The following CADPS2 variants were observed in gnomAD, a reference collection of about 807,000 sequenced individuals.
CADPS2 encodes calcium-dependent secretion activator 2.
A neutral mutation model predicts 172.5 loss-of-function variants in CADPS2; 93 were observed. The observed-to-expected ratio is 0.54, with a 90% confidence interval of 0.46 to 0.64. The LOEUF is 0.64. Ranked by LOEUF, CADPS2 falls within the 30% of genes least tolerant of loss-of-function variation. The probability of loss-of-function intolerance (pLI) is 0.00; values close to 1 mark genes in which losing one functional copy is unlikely to be tolerated. For missense variants in CADPS2, 1,420 were observed against 1,565.9 expected (o/e 0.91, Z 1.57); for synonymous variants, 546 against 555.2 (o/e 0.98, Z 0.23).
At chr7:122,323,244 C>T (rs2032980338) in intron 29 of CADPS2, among the ~76,000 whole-genome samples, 1 of 151,938 alleles carries the variant, frequency 6.6e-6, no homozygotes, top group South Asian at 2.1e-4. Flanking sequence ...AATGTATCAG[C>T]CCAAGAACAC....
chr7:122,639,129 G>A (rs1223394181), intron 3 of CADPS2, among the ~76,000 whole-genome samples: 1 of 152,156 alleles, frequency 6.6e-6, no homozygotes, highest in Non-Finnish European at 1.5e-5. Flanking sequence ...GCTAATGAAG[G>A]CAATGGATAA....
At chr7:122,726,206 G>T (rs537785681) in intron 2 of CADPS2, among the ~76,000 whole-genome samples, 1 of 151,968 alleles carries the variant, frequency 6.6e-6, no homozygotes, top group South Asian at 2.1e-4. Flanking sequence ...AACTGTAAGG[G>T]GGACTATGTC....
At chr7:122,652,154 AT>A (rs2079217516) in intron 3 of CADPS2, among the ~76,000 whole-genome samples, 1 of 151,944 alleles carries the variant, frequency 6.6e-6, no homozygotes, top group Non-Finnish European at 1.5e-5. Context: ...TTACAACAGC[AT>A]TTTTTTCTAT....
chr7:122,683,221 C>G (rs1202766728), intron 2 of CADPS2, among the ~76,000 whole-genome samples: 2 of 152,222 alleles, frequency 1.3e-5, no homozygotes, highest in Non-Finnish European at 2.9e-5. Context: ...TTAGCCACAT[C>G]TATCTGTAGT....
intron 1 of CADPS2, among the ~76,000 whole-genome samples, chr7:122,829,237 A>G (rs1805798172): frequency 6.6e-6 from 1 of 152,092 alleles, no homozygotes; most frequent in Non-Finnish European, 1.5e-5. Context: ...ACTCTCACCA[A>G]CCTTCTACTC....
intron 1 of CADPS2, among the ~76,000 whole-genome samples, chr7:122,795,992 G>A (rs553402033): frequency 3.3e-5 from 5 of 152,158 alleles, no homozygotes; most frequent in African/African-American, 1.2e-4. Flanking sequence ...TCCTTAAGTT[G>A]ATAAGCAACT....
chr7:122,733,810 C>A (rs1243153021), intron 2 of CADPS2, among the ~76,000 whole-genome samples: 1 of 152,008 alleles, frequency 6.6e-6, no homozygotes, highest in African/African-American at 2.4e-5. Context: ...GTGGACCTGA[C>A]TGGGAACCTA....
chr7:122,381,865 T>C (rs2043050548), intron 24 of CADPS2, among the ~76,000 whole-genome samples: 1 of 152,170 alleles, frequency 6.6e-6, no homozygotes, highest in Non-Finnish European at 1.5e-5. Context: ...ACCCAAGGGG[T>C]AAATCCAAAT....
At chr7:122,635,948 T>C (rs141128327) in intron 3 of CADPS2, among the ~76,000 whole-genome samples, 1 of 152,330 alleles carries the variant, frequency 6.6e-6, no homozygotes, top group Non-Finnish European at 1.5e-5. Context: ...TGTTTTCCAT[T>C]TGCATGATAG....
chr7:122,617,732 G>T (rs1351425558), intron 5 of CADPS2, among the ~76,000 whole-genome samples: 1 of 152,128 alleles, frequency 6.6e-6, no homozygotes, highest in Non-Finnish European at 1.5e-5. Flanking sequence ...TAATATCAAT[G>T]AAAGAATTCA....
chr7:122,815,936 T>A (rs1003619178), intron 1 of CADPS2, among the ~76,000 whole-genome samples: 2 of 152,230 alleles, frequency 1.3e-5, no homozygotes, highest in Admixed American at 6.5e-5. Context: ...ATGTGAAATT[T>A]TGATACAAGC....
chr7:122,442,700 T>C (rs753055583), intron 15 of CADPS2, among the ~76,000 whole-genome samples: 4 of 152,186 alleles, frequency 2.6e-5, no homozygotes, highest in Non-Finnish European at 5.9e-5. Flanking sequence ...GTTTAATTTA[T>C]ATTAGGATTG....
At chr7:122,698,687 G>A (rs1415404133) in intron 2 of CADPS2, 4 of 1,613,686 alleles carry the variant, frequency 2.5e-6, no homozygotes, top group African/African-American at 1.3e-5. Flanking sequence ...TTTCCCTCTG[G>A]TGGCACTATA....
At chr7:122,383,957 T>C (rs1035224638) in intron 24 of CADPS2, among the ~76,000 whole-genome samples, 14 of 152,118 alleles carry the variant, frequency 9.2e-5, no homozygotes, top group African/African-American at 2.2e-4. Context: ...CCTCAACTAA[T>C]GGGACCATGG....
intron 25 of CADPS2, among the ~76,000 whole-genome samples, chr7:122,370,897 T>C (rs563533262): frequency 2.0e-5 from 3 of 152,276 alleles, no homozygotes; most frequent in African/African-American, 7.2e-5. Context: ...TAGGTGATGC[T>C]AAAAAGTTTT....
At chr7:122,433,473 G>A (rs1219825333) in intron 17 of CADPS2, among the ~76,000 whole-genome samples, 5 of 145,784 alleles carry the variant, frequency 3.4e-5, no homozygotes, top group Non-Finnish European at 6.0e-5. Context: ...GCACCACCTC[G>A]GCTCACTGTA....
intron 27 of CADPS2, among the ~76,000 whole-genome samples, chr7:122,346,156 C>T (rs1477412386): frequency 7.9e-5 from 12 of 151,880 alleles, no homozygotes; most frequent in Admixed American, 7.9e-4. Context: ...CGCTTGGGCC[C>T]AGGAGTTCAA....
intron 1 of CADPS2, among the ~76,000 whole-genome samples, chr7:122,741,846 G>A (rs1396428496): frequency 6.6e-6 from 1 of 152,042 alleles, no homozygotes; most frequent in Non-Finnish European, 1.5e-5. Context: ...AAAACAGACT[G>A]TTACTTTCAT....
intron 28 of CADPS2, among the ~76,000 whole-genome samples, chr7:122,335,750 T>C (rs2035764152): frequency 6.6e-6 from 1 of 152,070 alleles, no homozygotes; most frequent in Non-Finnish European, 1.5e-5. Context: ...ACAAAGATGA[T>C]TAAAGGGCTA....
Sources: allele counts gnomAD v4.1 joint callset (sites outside exome capture counted in the v4.1 genomes callset), GRCh38; gene constraint gnomAD v4.1.1; transcripts MANE v1.5; gene names NCBI Gene and HGNC (gene_info 2026-07-23, HGNC 2026-07-21).